The following UTRN variants were observed in gnomAD, a reference collection of about 807,000 sequenced individuals.
The protein encoded by UTRN is dystrophin-related protein 1.
A neutral mutation model predicts 463.9 loss-of-function variants in UTRN; 283 were observed. That is an observed-to-expected ratio of 0.61 (90% CI 0.55 to 0.67). The LOEUF is 0.67. UTRN is among the 30% of genes least tolerant of loss of function. UTRN has a pLI of 0.00. For missense variants in UTRN, 3,922 were observed against 4,084.3 expected (o/e 0.96, Z 1.08); for synonymous variants, 1,442 against 1,431.5 (o/e 1.01, Z -0.17).
At chr6:144,533,680 C>T (rs954967960) in intron 43 of UTRN, among the ~76,000 whole-genome samples, 4 of 151,568 alleles carry the variant, frequency 2.6e-5, no homozygotes, top group African/African-American at 7.3e-5. Context: ...ATGTTGTGTT[C>T]TATTCATGCT....
intron 46 of UTRN, among the ~76,000 whole-genome samples, chr6:144,548,249 G>T (rs1479737998): frequency 3.3e-5 from 5 of 152,054 alleles, no homozygotes; most frequent in Non-Finnish European, 7.4e-5. Flanking sequence ...ATTCATAATT[G>T]TGTTTACTAA....
chr6:144,626,709 G>A (rs1321559767), intron 51 of UTRN, among the ~76,000 whole-genome samples: 1 of 151,998 alleles, frequency 6.6e-6, no homozygotes, highest in Admixed American at 6.6e-5. Context: ...GCACAATTTC[G>A]GCTCGCTGCA....
chr6:144,689,447 G>A (rs1783095173), intron 52 of UTRN, among the ~76,000 whole-genome samples: 1 of 152,208 alleles, frequency 6.6e-6, no homozygotes, highest in Non-Finnish European at 1.5e-5. Context: ...AAGGCCTGCT[G>A]TCTTCATTCT....
chr6:144,479,170 G>A (rs1791583577), intron 25 of UTRN, among the ~76,000 whole-genome samples: 1 of 140,290 alleles, frequency 7.1e-6, no homozygotes, highest in African/African-American at 2.7e-5. Context: ...CTGGGTTAGA[G>A]TGCAGTGGTG....
intron 3 of UTRN, among the ~76,000 whole-genome samples, chr6:144,412,749 T>C (rs1284532445): frequency 7.7e-6 from 1 of 129,174 alleles, no homozygotes; most frequent in African/African-American, 2.8e-5. Context: ...TATATATATA[T>C]ATACACACAC....
chr6:144,490,349 A>G, intron 31 of UTRN, 150 bp downstream of exon 31: 1 of 1,125,612 alleles, frequency 8.9e-7, no homozygotes, highest in South Asian at 1.8e-5. Flanking sequence ...GTTGCATCCT[A>G]GGGCAGCAGA....
chr6:144,289,261 TCATTTTGCA>T (rs1378972554), intron 1 of UTRN, among the ~76,000 whole-genome samples: 2 of 152,048 alleles, frequency 1.3e-5, no homozygotes, highest in East Asian at 1.9e-4. Flanking sequence ...AATTGGGGAG[TCATTTTGCA>T]CATTTTGCAC....
At chr6:144,597,328 G>C (rs536104602) in intron 51 of UTRN, among the ~76,000 whole-genome samples, 1 of 151,342 alleles carries the variant, frequency 6.6e-6, no homozygotes, top group African/African-American at 2.4e-5. Flanking sequence ...ACATTTAACT[G>C]AAACACATTT....
At chr6:144,698,719 CAA>C (rs928043443) in intron 52 of UTRN, among the ~76,000 whole-genome samples, 4 of 152,136 alleles carry the variant, frequency 2.6e-5, no homozygotes, top group African/African-American at 9.7e-5. Context: ...AGGGCCCTAA[CAA>C]GAGCAAAAAA....
intron 41 of UTRN, among the ~76,000 whole-genome samples, chr6:144,530,737 AGTGT>A (rs758363044): frequency 6.6e-6 from 1 of 151,498 alleles, no homozygotes; most frequent in Admixed American, 6.6e-5. Context: ...TGTGTGTGTG[AGTGT>A]GTTTGTGAGT....
At chr6:144,662,132 T>C (rs759015427) in intron 51 of UTRN, among the ~76,000 whole-genome samples, 1 of 152,286 alleles carries the variant, frequency 6.6e-6, no homozygotes, top group Non-Finnish European at 1.5e-5. Flanking sequence ...TAAAAACCTA[T>C]GTGAAAGTTG....
At position 144,782,235 on chromosome 6, in the gene UTRN, A is replaced by G. The variant is rs149470603; in HGVS notation, c.8834+112A>G. The G allele has an allele frequency of 1.5e-3, 1,366 of 899,054 alleles. 15 individuals carry two copies. In the African/African-American group the frequency reaches 0.02, roughly 13 times the overall value. The allele number at this position is 899,054 out of a possible 1,614,324, so 55.7% of individuals were successfully genotyped here. A position where few individuals can be genotyped will look rare whatever the true frequency, so the allele number is the denominator to read the frequency against. The stretch of plus-strand genomic sequence containing the variant: ...ATAAGTGCTTTCAAATTACTTTCCC[A>G]GTGGAAATATTTATGTTTGTTGTTG... On this transcript the variant is annotated intron_variant, in intron 61 of 74. Transcript: ENST00000367545.
At chr6:144,781,621 A>C (rs1398172244) in intron 60 of UTRN, among the ~76,000 whole-genome samples, 1 of 152,200 alleles carries the variant, frequency 6.6e-6, no homozygotes, top group East Asian at 1.9e-4. Context: ...AAAAGCAAAA[A>C]GAGCCTGGCA....
At chr6:144,490,829 T>G (rs1290464299) in intron 31 of UTRN, 100 bp from the exon 32 acceptor site, 6 of 1,346,060 alleles carry the variant, frequency 4.5e-6, no homozygotes, top group Non-Finnish European at 5.0e-6. Flanking sequence ...TTTTTTCTTT[T>G]GGTACTTTAT....
intron 2 of UTRN, among the ~76,000 whole-genome samples, chr6:144,338,983 A>T (rs1284305464): frequency 6.6e-6 from 1 of 152,176 alleles, no homozygotes; most frequent in Non-Finnish European, 1.5e-5. Context: ...CTGCAGGGCT[A>T]TTAATGTGTT....
At chr6:144,353,089 T>G (rs1031899595) in intron 2 of UTRN, among the ~76,000 whole-genome samples, 3 of 152,024 alleles carry the variant, frequency 2.0e-5, no homozygotes, top group East Asian at 3.9e-4. Flanking sequence ...ATTACAGGCA[T>G]GTGCCACCAC....
chr6:144,812,317 A>G (rs1027946204), intron 65 of UTRN, among the ~76,000 whole-genome samples: 1 of 152,126 alleles, frequency 6.6e-6, no homozygotes, highest in Non-Finnish European at 1.5e-5. Flanking sequence ...CTGACCTAGT[A>G]AAGCCGTTTA....
intron 63 of UTRN, among the ~76,000 whole-genome samples, chr6:144,796,459 A>T (rs897888835): frequency 2.0e-5 from 3 of 152,220 alleles, no homozygotes; most frequent in Admixed American, 6.5e-5. Context: ...TAAAGAACTG[A>T]ATTAAAATGT....
chr6:144,370,710 C>T (rs185632508), intron 2 of UTRN, among the ~76,000 whole-genome samples: 205 of 152,270 alleles, frequency 1.3e-3, no homozygotes, highest in Non-Finnish European at 2.6e-3. Flanking sequence ...AATGCCAGCC[C>T]GTGAAAGCAG....
Sources: allele counts gnomAD v4.1 joint callset (sites outside exome capture counted in the v4.1 genomes callset), GRCh38; gene constraint gnomAD v4.1.1; transcripts MANE v1.5; gene names NCBI Gene and HGNC (gene_info 2026-07-23, HGNC 2026-07-21).